Variants in FAIM observed in about 807,000 individuals in gnomAD.
The protein encoded by FAIM is Fas apoptotic inhibitory molecule.
A neutral mutation model predicts 21.2 loss-of-function variants in FAIM; 14 were observed. That is an observed-to-expected ratio of 0.66 (90% CI 0.44 to 1.03). The LOEUF is 1.03. Ranked by LOEUF, FAIM falls within the 50% of genes least tolerant of loss-of-function variation. The pLI is 0.00. For missense variants in FAIM, 222 were observed against 247.1 expected, an observed-to-expected ratio of 0.90 and a Z score of 0.68; for synonymous variants, 86 against 80.4, an observed-to-expected ratio of 1.07 and a Z score of -0.37.
Position 138,629,140 on chromosome 3 carries a change from A to C in FAIM, c.440A>C (p.Lys147Thr), listed in dbSNP as rs778670864. 6.2e-7 allele frequency: 1 copy of C among 1,612,032 alleles called. No individual in the cohort carries two copies. The highest frequency in any genetic ancestry group is 1.1e-5 in the South Asian group (1 of 90,960). The change falls in exon 5 of 6, where the codon AAA becomes ACA. Residue 147 changes from lysine (K) to threonine (T), a missense_variant. By Grantham distance (78) the Lys-to-Thr change is moderately conservative. Transcript: ENST00000360570. ...KDAMDVWCNGKKLETAGEFVD... is the reference protein window; with the variant it reads ...KDAMDVWCNGTKLETAGEFVD... ...GCTATGGACGTATGGTGCAATGGTA[A>C]AAAATTGGAGACAGCGGTAAGTTGA...
chr3:138,628,599 C>T (rs1481982941), intron 4 of FAIM, among the ~76,000 whole-genome samples: 10 of 152,036 alleles, frequency 6.6e-5, no homozygotes, highest in Non-Finnish European at 1.5e-5. Flanking sequence ...ATTCTCCTGC[C>T]TCAGCCTCCC....
chr3:138,619,452 A>G (rs1157150761), intron 1 of FAIM, among the ~76,000 whole-genome samples: 1 of 152,246 alleles, frequency 6.6e-6, no homozygotes, highest in African/African-American at 2.4e-5. Flanking sequence ...TAGTTTTGAT[A>G]AAGTATACCT....
At chr3:138,623,232 G>A (rs1228266927) in intron 4 of FAIM, among the ~76,000 whole-genome samples, 1 of 151,786 alleles carries the variant, frequency 6.6e-6, no homozygotes, top group Non-Finnish European at 1.5e-5. Context: ...AGTTTTTTTT[G>A]TTTGTTTTTC....
intron 4 of FAIM, 53 bp from the exon 5 acceptor site, chr3:138,629,053 CT>C: frequency 1.5e-6 from 2 of 1,378,948 alleles, no homozygotes; most frequent in Non-Finnish European, 2.0e-6. Context: ...GAAAAGTTAA[CT>C]TTATCTTTAA....
intron 4 of FAIM, among the ~76,000 whole-genome samples, chr3:138,628,523 T>C (rs192262229): frequency 4.5e-4 from 69 of 152,046 alleles, no homozygotes; most frequent in East Asian, 1.4e-3. Flanking sequence ...CTTTCTCTGT[T>C]GCCCAGGCTA....
intron 1 of FAIM, among the ~76,000 whole-genome samples, chr3:138,609,533 A>ACTCTCTCT (rs1286573079): frequency 3.0e-4 from 1 of 3,368 alleles, no homozygotes; most frequent in African/African-American, 9.3e-4. Flanking sequence ...AAGTGCTGAA[A>ACTCTCTCT]CTCTCTCTCT....
chr3:138,622,225 G>T lies in FAIM; in HGVS notation c.215G>T (p.Gly72Val), dbSNP rs373117151. ...AAAGAGTGGATGTTCAAATTAGTGG[G>T]CAAAGAAACATTCTATGTTGGAGCT... is the stretch of plus-strand genomic sequence containing the variant. ...IRKEWMFKLV[G>V]KETFYVGAAK... The change falls in exon 4 of 6, where the codon GGC becomes GTC. Residue 72 changes from glycine (G) to valine (V), a missense_variant. Coordinates refer to ENST00000360570, the MANE Select transcript of FAIM (RefSeq NM_001033031.2). The T allele has an allele frequency of 1.7e-5, 28 of 1,612,440 alleles. No homozygotes were observed. The highest frequency in any genetic ancestry group is 2.3e-5 in the Non-Finnish European group (27 of 1,179,608).
At chr3:138,622,722 G>A (rs2042901258) in intron 4 of FAIM, among the ~76,000 whole-genome samples, 1 of 151,828 alleles carries the variant, frequency 6.6e-6, no homozygotes, top group Non-Finnish European at 1.5e-5. Flanking sequence ...ATGGATTTGA[G>A]GATTATAAAT....
At chr3:138,622,026 C>T (rs985295136) in intron 3 of FAIM, among the ~76,000 whole-genome samples, 162 bp from the exon 4 acceptor site, 4 of 152,042 alleles carry the variant, frequency 2.6e-5, no homozygotes, top group East Asian at 1.9e-4. Flanking sequence ...ATGATCCGCC[C>T]GCCTCAGCCT....
chr3:138,621,975 G>A (rs138206051), intron 3 of FAIM, among the ~76,000 whole-genome samples: 3,928 of 151,916 alleles, frequency 0.026, 200 homozygotes, highest in African/African-American at 0.09. Context: ...GTAGAGACGG[G>A]GTTTCACTGT....
At chr3:138,618,750 C>T (rs1417273650) in intron 1 of FAIM, among the ~76,000 whole-genome samples, 1 of 152,088 alleles carries the variant, frequency 6.6e-6, no homozygotes, top group Non-Finnish European at 1.5e-5. Context: ...CCATTTTTAA[C>T]CAGGAGAGAG....
intron 5 of FAIM, among the ~76,000 whole-genome samples, chr3:138,631,381 C>T (rs2043003763): frequency 6.6e-6 from 1 of 152,172 alleles, no homozygotes; most frequent in South Asian, 2.1e-4. Flanking sequence ...TACCCCTGTA[C>T]TCCAGCCTGG....
intron 1 of FAIM, among the ~76,000 whole-genome samples, chr3:138,609,982 C>T (rs910406062): frequency 6.6e-6 from 1 of 152,082 alleles, no homozygotes; most frequent in Non-Finnish European, 1.5e-5. Context: ...ATACTTGGCT[C>T]GAGGAGCTTC....
chr3:138,620,965 G>T (rs747005549), intron 2 of FAIM, among the ~76,000 whole-genome samples: 7 of 152,160 alleles, frequency 4.6e-5, no homozygotes, highest in Non-Finnish European at 7.3e-5. Flanking sequence ...GCGAGTTTAA[G>T]TATGGGAGGT....
At chr3:138,626,929 A>G (rs1475120256) in intron 4 of FAIM, among the ~76,000 whole-genome samples, 2 of 152,038 alleles carry the variant, frequency 1.3e-5, no homozygotes, top group Non-Finnish European at 2.9e-5. Context: ...TGTCTTTTTC[A>G]TAAGTGAGGT....
intron 1 of FAIM, among the ~76,000 whole-genome samples, chr3:138,612,752 T>C (rs1241188604): frequency 6.6e-6 from 1 of 152,194 alleles, no homozygotes; most frequent in Non-Finnish European, 1.5e-5. Flanking sequence ...TGAGGAACTG[T>C]CATATCATTT....
intron 1 of FAIM, among the ~76,000 whole-genome samples, chr3:138,609,615 C>T (rs1258631278): frequency 3.0e-5 from 2 of 67,024 alleles, no homozygotes; most frequent in Non-Finnish European, 4.8e-5. Context: ...TCTCTCTCGA[C>T]TCTCTCTCTC....
intron 2 of FAIM, chr3:138,621,104 G>A: frequency 3.4e-6 from 1 of 290,226 alleles, no homozygotes; most frequent in Non-Finnish European, 6.4e-6. Context: ...GCACTATACT[G>A]TAGCCTAACC....
chr3:138,628,353 T>C (rs556466175), intron 4 of FAIM, among the ~76,000 whole-genome samples: 1 of 152,260 alleles, frequency 6.6e-6, no homozygotes, highest in African/African-American at 2.4e-5. Flanking sequence ...TGGTCTTTTG[T>C]GCCATCACCC....
Sources: gnomAD v4.1 joint callset for allele counts (sites outside exome capture counted in the v4.1 genomes callset) on GRCh38, gnomAD v4.1.1 for gene constraint, MANE v1.5 for transcripts, NCBI Gene and HGNC (gene_info 2026-07-23, HGNC 2026-07-21) for gene names.